MCTP1: variants seen among roughly 807,000 people sequenced by gnomAD.
MCTP1 encodes the protein multiple C2 and transmembrane domain-containing protein 1.
A neutral mutation model predicts 120.6 loss-of-function variants in MCTP1; 69 were observed. The ratio of observed to expected loss-of-function variants is 0.57; its 90% CI spans 0.47 to 0.70. The LOEUF is 0.70. Among genes scored for constraint, MCTP1 ranks in the 30% least tolerant of loss-of-function variants. MCTP1 has a pLI of 0.00. For missense variants in MCTP1, 1,203 were observed against 1,248.8 expected, an observed-to-expected ratio of 0.96 and a Z score of 0.55; for synonymous variants, 529 against 493.1, an observed-to-expected ratio of 1.07 and a Z score of -0.96.
At chr5:94,980,792 C>A (rs906016712) in intron 2 of MCTP1, 1 of 152,016 alleles carries the variant, frequency 6.6e-6, no homozygotes, top group African/African-American at 2.4e-5. Flanking sequence ...CACAGATGAG[C>A]AACTAAAAGT....
intron 3 of MCTP1, among the ~76,000 whole-genome samples, chr5:94,948,879 A>G (rs1819781435): frequency 1.3e-5 from 2 of 152,176 alleles, no homozygotes; most frequent in African/African-American, 4.8e-5. Flanking sequence ...AAGTGTCCTT[A>G]TAAGCTACCG....
At chr5:94,837,851 GT>G (rs2153188774) in intron 17 of MCTP1, among the ~76,000 whole-genome samples, 1 of 152,292 alleles carries the variant, frequency 6.6e-6, no homozygotes, top group South Asian at 2.1e-4. Context: ...TAAGGCTAAA[GT>G]ATTAATTTAT....
chr5:95,250,450 C>A (rs1459462350), intron 1 of MCTP1, among the ~76,000 whole-genome samples: 1 of 152,108 alleles, frequency 6.6e-6, no homozygotes, highest in Non-Finnish European at 1.5e-5. Flanking sequence ...GGTTAGCTTG[C>A]AAGTATAATA....
chr5:94,710,598 A>G (rs1320344233), intron 21 of MCTP1: 2 of 450,682 alleles, frequency 4.4e-6, no homozygotes, highest in East Asian at 4.1e-5. Context: ...ACATGTTTAT[A>G]GTATGATGAA....
chr5:95,012,637 T>G (rs1426805209), intron 2 of MCTP1, among the ~76,000 whole-genome samples: 2 of 152,138 alleles, frequency 1.3e-5, no homozygotes, highest in Non-Finnish European at 2.9e-5. Flanking sequence ...TGTGATGATC[T>G]GTGATTAGTG....
intron 2 of MCTP1, among the ~76,000 whole-genome samples, chr5:94,964,566 T>A (rs1255883538): frequency 6.6e-6 from 1 of 152,244 alleles, no homozygotes; most frequent in Non-Finnish European, 1.5e-5. Context: ...AATTGTTATG[T>A]CCTCTTAATG....
intron 1 of MCTP1, among the ~76,000 whole-genome samples, chr5:95,188,166 A>G (rs1749436290): frequency 6.6e-6 from 1 of 152,244 alleles, no homozygotes; most frequent in Non-Finnish European, 1.5e-5. Context: ...AAGATGTTCA[A>G]CACCATTAAC....
intron 1 of MCTP1, among the ~76,000 whole-genome samples, chr5:95,052,273 A>G (rs571383182): frequency 6.3e-4 from 96 of 152,322 alleles, no homozygotes; most frequent in African/African-American, 2.1e-3. Context: ...GTGGTCCACT[A>G]AACCGTCTTC....
chr5:95,283,422 C>T (rs1760478707), intron 1 of MCTP1, among the ~76,000 whole-genome samples: 1 of 152,200 alleles, frequency 6.6e-6, no homozygotes, highest in Non-Finnish European at 1.5e-5. Context: ...ATTTACCTCT[C>T]CACGTTTCTA....
intron 1 of MCTP1, among the ~76,000 whole-genome samples, chr5:95,033,930 T>C (rs1840765697): frequency 6.6e-6 from 1 of 151,916 alleles, no homozygotes; most frequent in Non-Finnish European, 1.5e-5. Context: ...CCAATAATGT[T>C]CAAGCTGGGA....
chr5:95,154,899 T>C (rs976741622), intron 1 of MCTP1, among the ~76,000 whole-genome samples: 55 of 152,238 alleles, frequency 3.6e-4, no homozygotes, highest in African/African-American at 1.3e-3. Flanking sequence ...GATATCTTAT[T>C]TAGAGTTTTT....
chr5:95,011,019 T>C (rs1055619020), intron 2 of MCTP1, among the ~76,000 whole-genome samples: 1 of 152,176 alleles, frequency 6.6e-6, no homozygotes, highest in African/African-American at 2.4e-5. Context: ...CGTGCTGTTT[T>C]CAGTGCATCC....
chr5:94,972,233 T>A (rs1827047164), intron 2 of MCTP1, among the ~76,000 whole-genome samples: 1 of 152,128 alleles, frequency 6.6e-6, no homozygotes, highest in Non-Finnish European at 1.5e-5. Context: ...GCATCAGTAT[T>A]CAAAGCTTCT....
Position 95,120,600 on chromosome 5 carries a change from T to C in MCTP1, c.721-103116A>G, listed in dbSNP as rs376115576. ...AACAAAAACCAGATAATCATTTCAA[T>C]TGATGTTGAAAAAACATTTGATAAA... On this transcript the variant is annotated intron_variant, in intron 1 of 22. Coordinates refer to ENST00000515393, the MANE Select transcript of MCTP1 (RefSeq NM_024717.7). 8.5e-5 allele frequency among the ~76,000 whole-genome samples: 13 copies of C among 152,324 alleles called. No individual in the cohort carries two copies. The South Asian group carries it at 2.7e-3, about 32-fold the overall frequency.
chr5:95,105,658 A>G lies in MCTP1; in HGVS notation c.721-88174T>C, dbSNP rs150711563. ...GAATGGAACATGCAGAGAAGGTTGG[A>G]GCCCTAGGAATACTGCTGAGGGGAA... On this transcript the variant is annotated intron_variant, in intron 1 of 22. Transcript: ENST00000515393. Among the ~76,000 whole-genome samples, 1,036 of 152,196 alleles carry G rather than the reference A, an allele frequency of 6.8e-3. 15 individuals are homozygous for G. The highest frequency in any genetic ancestry group is 0.017 in the African/African-American group (699 of 41,522).
chr5:94,930,185 ATATGT>A (rs1339907072), intron 6 of MCTP1, among the ~76,000 whole-genome samples: 1 of 151,302 alleles, frequency 6.6e-6, no homozygotes, highest in South Asian at 2.1e-4. Context: ...TGGAACAAAA[ATATGT>A]TATATATTTT....
Position 94,847,914 on chromosome 5 carries a change from C to T in MCTP1, c.2436+20419G>A, listed in dbSNP as rs144361229. 4.9e-3 allele frequency among the ~76,000 whole-genome samples: 741 copies of T among 152,132 alleles called. 1 individual carries two copies. Among genetic ancestry groups the T allele is most frequent in the African/African-American group, 0.017 (687 of 41,500 alleles). On this transcript the variant is annotated intron_variant, in intron 17 of 22. Transcript: ENST00000515393. ...CACCTGCTCAAGCACCTGTTTTCCA[C>T]TCTTCTGTTTTCATCTGCAACTTCA...
chr5:95,080,745 A>G (rs532956072), intron 1 of MCTP1, among the ~76,000 whole-genome samples: 3 of 152,242 alleles, frequency 2.0e-5, no homozygotes, highest in South Asian at 2.1e-4. Flanking sequence ...TGAAAAATAA[A>G]CCTCTCATTC....
chr5:95,242,675 T>G (rs1756302213), intron 1 of MCTP1, among the ~76,000 whole-genome samples: 1 of 152,144 alleles, frequency 6.6e-6, no homozygotes, highest in African/African-American at 2.4e-5. Context: ...CTCACTTATA[T>G]AAAATTCTAG....
Sources: gnomAD v4.1 joint callset for allele counts (sites outside exome capture counted in the v4.1 genomes callset) on GRCh38, gnomAD v4.1.1 for gene constraint, MANE v1.5 for transcripts, NCBI Gene and HGNC (gene_info 2026-07-23, HGNC 2026-07-21) for gene names.